Variants in CCDC83 observed in about 807,000 individuals in gnomAD.
CCDC83 encodes the protein coiled-coil domain-containing protein 83.
Under a neutral mutation model 50.1 loss-of-function variants are expected in CCDC83, and 54 were observed. That is an observed-to-expected ratio of 1.08 (90% CI 0.87 to 1.35). CCDC83 has a LOEUF of 1.35. Among genes scored for constraint, CCDC83 ranks in the 40% most tolerant of loss-of-function variants. CCDC83 has a pLI of 0.00. For missense variants in CCDC83, 518 were observed against 473.9 expected (o/e 1.09, Z -0.86); for synonymous variants, 161 against 153.3 (o/e 1.05, Z -0.37).
intron 5 of CCDC83, among the ~76,000 whole-genome samples, chr11:85,887,689 T>C (rs2093333568): frequency 6.6e-6 from 1 of 150,384 alleles, no homozygotes; most frequent in African/African-American, 2.4e-5. Flanking sequence ...ACAAATAGCA[T>C]GCTATAAATA....
chr11:85,899,186 A>G (rs2093389260), intron 7 of CCDC83, among the ~76,000 whole-genome samples, 171 bp downstream of exon 7: 1 of 152,232 alleles, frequency 6.6e-6, no homozygotes, highest in African/African-American at 2.4e-5. Flanking sequence ...CTCAAAAAAT[A>G]TCATAATCTC....
At chr11:85,858,251 G>A (rs974726152) in intron 1 of CCDC83, among the ~76,000 whole-genome samples, 2 of 152,184 alleles carry the variant, frequency 1.3e-5, no homozygotes, top group African/African-American at 2.4e-5. Context: ...CCAAGAAGCT[G>A]AATGAGGCAA....
chr11:85,886,758 A>T lies in CCDC83; in HGVS notation c.511+391A>T, dbSNP rs116136578. ...TGAGACCATATCTCTACAAAAAATTAAAAAATCAGTTGGGCATGGTGGCTC... is the reference window on the plus strand; with the variant it reads ...TGAGACCATATCTCTACAAAAAATTTAAAAATCAGTTGGGCATGGTGGCTC... On this transcript the variant is annotated intron_variant, in intron 5 of 10. Transcript: ENST00000342404. 9.0e-3 allele frequency among the ~76,000 whole-genome samples: 1,372 copies of T among 152,270 alleles called. 22 individuals carry two copies. Among genetic ancestry groups the T allele is most frequent in the African/African-American group, 0.032 (1,334 of 41,550 alleles).
chr11:85,868,390 T>C (rs2093219535), intron 2 of CCDC83, among the ~76,000 whole-genome samples: 1 of 152,356 alleles, frequency 6.6e-6, no homozygotes, highest in East Asian at 1.9e-4. Flanking sequence ...TTGTTTGTTT[T>C]TGAGACAAGA....
intron 2 of CCDC83, among the ~76,000 whole-genome samples, chr11:85,867,005 T>A (rs2093211188): frequency 6.6e-6 from 1 of 152,124 alleles, no homozygotes; most frequent in African/African-American, 2.4e-5. Flanking sequence ...TAGAGGAGTA[T>A]AAAGTTGAAG....
At chr11:85,885,236 G>A (rs930630605) in intron 4 of CCDC83, among the ~76,000 whole-genome samples, 2 of 151,960 alleles carry the variant, frequency 1.3e-5, no homozygotes, top group African/African-American at 4.8e-5. Flanking sequence ...TTAGTATCTT[G>A]TGTACATCTT....
At chr11:85,885,825 G>A (rs917978057) in intron 4 of CCDC83, among the ~76,000 whole-genome samples, 1 of 152,146 alleles carries the variant, frequency 6.6e-6, no homozygotes, top group African/African-American at 2.4e-5. Flanking sequence ...ATAATGGCCA[G>A]AAAAATGACA....
chr11:85,898,829 C>T, intron 6 of CCDC83, 118 bp from the exon 7 acceptor site: 1 of 742,706 alleles, frequency 1.3e-6, no homozygotes, highest in African/African-American at 1.8e-5. Flanking sequence ...TAAGTATGTT[C>T]CTAAAGTAAT....
intron 1 of CCDC83, among the ~76,000 whole-genome samples, chr11:85,857,802 A>G (rs1182645782): frequency 6.6e-6 from 1 of 152,158 alleles, no homozygotes; most frequent in African/African-American, 2.4e-5. Context: ...CCATGTCATC[A>G]TCATCAAGAT....
rs1554986880 is a variant in CCDC83 at position 85,917,166 on chromosome 11, G to GAGAA, written c.1080+957_1080+960dup. Among the ~76,000 whole-genome samples, 261 of 62,412 alleles carry GAGAA rather than the reference G, an allele frequency of 4.2e-3. 1 individual carries two copies. Among genetic ancestry groups the GAGAA allele is most frequent in the Admixed American group, 0.011 (51 of 4,798 alleles). The allele number at this position is 62,412 out of a possible 152,430, so 40.9% of individuals were successfully genotyped here. On this transcript the variant is annotated intron_variant, in intron 10 of 10. Coordinates refer to ENST00000342404, the MANE Select transcript of CCDC83 (RefSeq NM_001286159.2). ...AGAGAGAGAGAGAGAGAGAGAGAGA[G>GAGAA]AGAAAGAAAGAAAGAAAGAAAGAAA...
chr11:85,911,482 A>T, intron 8 of CCDC83, 80 bp downstream of exon 8: 1 of 1,250,324 alleles, frequency 8.0e-7, no homozygotes, highest in Non-Finnish European at 1.1e-6. Context: ...AAACAAAAAA[A>T]GATGATTTAA....
At chr11:85,872,989 G>C (rs918935763) in intron 2 of CCDC83, among the ~76,000 whole-genome samples, 2 of 143,810 alleles carry the variant, frequency 1.4e-5, no homozygotes, top group African/African-American at 5.0e-5. Context: ...CATGAACAGG[G>C]ATTTTTTTTT....
intron 10 of CCDC83, among the ~76,000 whole-genome samples, chr11:85,917,485 G>C (rs751517958): frequency 1.3e-5 from 2 of 152,108 alleles, no homozygotes; most frequent in Non-Finnish European, 2.9e-5. Flanking sequence ...ATATGAATTA[G>C]GCTATCTTTG....
At chr11:85,906,575 G>T (rs2093426520) in intron 7 of CCDC83, among the ~76,000 whole-genome samples, 1 of 152,158 alleles carries the variant, frequency 6.6e-6, no homozygotes, top group South Asian at 2.1e-4. Context: ...AACAAAAAGA[G>T]CTTTATAATA....
intron 10 of CCDC83, chr11:85,916,743 C>T (rs1383269317): frequency 1.3e-5 from 2 of 154,324 alleles, no homozygotes; most frequent in East Asian, 1.9e-4. Context: ...ACATGTGCCT[C>T]CTGACAGGGT....
intron 7 of CCDC83, among the ~76,000 whole-genome samples, chr11:85,910,857 G>C (rs2093450259): frequency 6.6e-6 from 1 of 152,160 alleles, no homozygotes; most frequent in Non-Finnish European, 1.5e-5. Context: ...ACTTTTAGAA[G>C]TTGAGTTTAT....
intron 10 of CCDC83, among the ~76,000 whole-genome samples, chr11:85,917,171 A>AGAGG (rs2093483520): frequency 1.1e-5 from 1 of 88,780 alleles, no homozygotes; most frequent in African/African-American, 4.6e-5. Flanking sequence ...AGAGAGAGAA[A>AGAGG]GAAAGAAAGA....
chr11:85,907,628 A>G (rs375946707), intron 7 of CCDC83, among the ~76,000 whole-genome samples: 2 of 152,208 alleles, frequency 1.3e-5, no homozygotes, highest in Non-Finnish European at 2.9e-5. Flanking sequence ...GTGGTCTTCC[A>G]CTTCTTCCTC....
chr11:85,883,058 C>T (rs576872239), intron 4 of CCDC83, among the ~76,000 whole-genome samples: 1 of 152,220 alleles, frequency 6.6e-6, no homozygotes, highest in South Asian at 2.1e-4. Flanking sequence ...GCTGGGACTC[C>T]AGGTGCACAC....
Sources: gnomAD v4.1 joint callset for allele counts (sites outside exome capture counted in the v4.1 genomes callset) on GRCh38, gnomAD v4.1.1 for gene constraint, MANE v1.5 for transcripts, NCBI Gene and HGNC (gene_info 2026-07-23, HGNC 2026-07-21) for gene names.